The following RARB variants were observed in gnomAD, a reference collection of about 807,000 sequenced individuals.
RARB encodes retinoic acid receptor beta, also known as HBV-activated protein.
RARB carries 17 observed loss-of-function variants against 51.9 expected under a neutral mutation model. The observed-to-expected ratio is 0.33, with a 90% CI of 0.22 to 0.49. The LOEUF (loss-of-function observed/expected upper bound fraction) is 0.49, where lower values mean the gene tolerates loss of function less well. Among genes scored for constraint, RARB ranks in the 20% least tolerant of loss-of-function variants. The pLI, the probability that RARB is intolerant of heterozygous loss-of-function variation, is 0.99. For synonymous variants in RARB, 215 were observed against 195.4 expected, an observed-to-expected ratio of 1.10 and a Z score of -0.84; for missense variants, 369 against 550.8, an observed-to-expected ratio of 0.67 and a Z score of 3.30.
At chr3:25,209,128 A>G (rs915122726) in intron 5 of RARB, among the ~76,000 whole-genome samples, 2 of 152,244 alleles carry the variant, frequency 1.3e-5, no homozygotes, top group African/African-American at 4.8e-5. Flanking sequence ...CACAGACCAC[A>G]GTTTAGTCAA....
chr3:24,870,888 A>T (rs1702934600), intron 2 of RARB, among the ~76,000 whole-genome samples: 1 of 152,146 alleles, frequency 6.6e-6, no homozygotes. Context: ...GGTAAAGAAC[A>T]TTCTAATTCC....
At chr3:25,486,420 T>C (rs189222047) in intron 2 of RARB, among the ~76,000 whole-genome samples, 249 of 152,248 alleles carry the variant, frequency 1.6e-3, no homozygotes, top group South Asian at 0.013. Context: ...TGGGTAGAGG[T>C]AGAAGTCACT....
chr3:24,952,226 A>G (rs1280468405), intron 2 of RARB, among the ~76,000 whole-genome samples: 2 of 147,372 alleles, frequency 1.4e-5, no homozygotes, highest in Non-Finnish European at 3.0e-5. Flanking sequence ...AAACAAACAA[A>G]CAAACAAAAA....
intron 5 of RARB, among the ~76,000 whole-genome samples, chr3:25,337,307 T>C (rs78913643): frequency 0.042 from 6,320 of 152,268 alleles, 179 homozygotes; most frequent in Non-Finnish European, 0.061. Flanking sequence ...ATTGTATGTA[T>C]AAACATGATT....
At chr3:24,855,992 C>T (rs1482221172) in intron 1 of RARB, among the ~76,000 whole-genome samples, 3 of 151,970 alleles carry the variant, frequency 2.0e-5, no homozygotes, top group Admixed American at 6.6e-5. Context: ...CCTTGTGATC[C>T]GCCCGCCTCG....
At chr3:24,925,425 A>G (rs150460463) in intron 2 of RARB, among the ~76,000 whole-genome samples, 1 of 151,912 alleles carries the variant, frequency 6.6e-6, no homozygotes, top group African/African-American at 2.4e-5. Context: ...GGAGGGTTGC[A>G]TGAGCTCAGG....
At chr3:25,145,505 AAAAG>A (rs1476388293) in intron 4 of RARB, among the ~76,000 whole-genome samples, 1 of 151,728 alleles carries the variant, frequency 6.6e-6, no homozygotes, top group Non-Finnish European at 1.5e-5. Context: ...AATTTCAAAA[AAAAG>A]AAAAAGAAAT....
chr3:25,564,437 C>T (rs944973351), intron 3 of RARB, among the ~76,000 whole-genome samples: 35 of 152,300 alleles, frequency 2.3e-4, no homozygotes, highest in African/African-American at 7.0e-4. Context: ...GAATGCCCCA[C>T]CTGCTTCATC....
At chr3:25,442,114 ATTTTTATT>A (rs1559404247) in intron 1 of RARB, among the ~76,000 whole-genome samples, 1 of 93,940 alleles carries the variant, frequency 1.1e-5, no homozygotes, top group African/African-American at 3.5e-5. Flanking sequence ...ATTTTATTTT[ATTTTTATT>A]TATTTATTTA....
chr3:24,952,539 G>T (rs540383367), intron 2 of RARB, among the ~76,000 whole-genome samples: 2 of 152,026 alleles, frequency 1.3e-5, no homozygotes, highest in Non-Finnish European at 2.9e-5. Flanking sequence ...TGTCTAGTTC[G>T]AATGGCCTCT....
intron 5 of RARB, among the ~76,000 whole-genome samples, chr3:25,591,719 T>C (rs115517302): frequency 0.018 from 2,689 of 152,324 alleles, 82 homozygotes; most frequent in African/African-American, 0.06. Context: ...GGCTTACTCA[T>C]TCAGTTTTCC....
At chr3:24,958,121 T>C (rs1468982356) in intron 2 of RARB, among the ~76,000 whole-genome samples, 4 of 152,136 alleles carry the variant, frequency 2.6e-5, no homozygotes, top group Non-Finnish European at 4.4e-5. Flanking sequence ...GCAGGGCTCT[T>C]GGAGCCCTAG....
chr3:25,055,040 T>C (rs1180271396), intron 2 of RARB, among the ~76,000 whole-genome samples: 3 of 152,122 alleles, frequency 2.0e-5, no homozygotes, highest in Admixed American at 1.3e-4. Flanking sequence ...TATTAGAAAA[T>C]TGTGACACCG....
At chr3:25,210,973 T>C (rs754436569) in intron 5 of RARB, among the ~76,000 whole-genome samples, 3 of 152,178 alleles carry the variant, frequency 2.0e-5, no homozygotes, top group African/African-American at 7.2e-5. Flanking sequence ...ACTTTGAGTA[T>C]ATTACCCTTC....
intron 3 of RARB, among the ~76,000 whole-genome samples, chr3:25,104,120 A>G (rs1280532591): frequency 1.3e-5 from 2 of 152,096 alleles, no homozygotes; most frequent in African/African-American, 4.8e-5. Context: ...AAAAAGTGTC[A>G]CTCTGTTCAA....
chr3:25,515,176 T>C (rs778180182), intron 3 of RARB, among the ~76,000 whole-genome samples: 28 of 152,250 alleles, frequency 1.8e-4, no homozygotes, highest in Non-Finnish European at 3.8e-4. Context: ...TAGTGCCTTC[T>C]GTGTGGCATT....
At chr3:25,102,173 G>A (rs1038526167) in intron 3 of RARB, among the ~76,000 whole-genome samples, 10 of 152,158 alleles carry the variant, frequency 6.6e-5, no homozygotes, top group African/African-American at 2.2e-4. Context: ...AGCAAAATGC[G>A]TGAATGTCCC....
chr3:25,333,968 C>A (rs1227444370), intron 5 of RARB, among the ~76,000 whole-genome samples: 3 of 152,124 alleles, frequency 2.0e-5, no homozygotes, highest in African/African-American at 4.8e-5. Context: ...CAGATCAAAA[C>A]CACAATGAGA....
At chr3:25,086,388 T>A (rs1443577076) in intron 3 of RARB, among the ~76,000 whole-genome samples, 1 of 152,184 alleles carries the variant, frequency 6.6e-6, no homozygotes, top group Non-Finnish European at 1.5e-5. Context: ...TTCTTACAAT[T>A]TGCTAACGTA....
Sources: allele counts gnomAD v4.1 joint callset (sites outside exome capture counted in the v4.1 genomes callset), GRCh38; gene constraint gnomAD v4.1.1; transcripts MANE v1.5; gene names NCBI Gene and HGNC (gene_info 2026-07-23, HGNC 2026-07-21).